The following PLB1 variants were observed in gnomAD, a reference collection of about 807,000 sequenced individuals.
PLB1 encodes phospholipase B1, membrane-associated.
In PLB1, 242 loss-of-function variants were observed where a neutral mutation model predicts 227.4. The observed-to-expected ratio is 1.06, with a 90% CI of 0.96 to 1.18. PLB1 has a LOEUF of 1.18. PLB1 is among the 50% of genes most tolerant of loss of function. The pLI, the probability that PLB1 is intolerant of heterozygous loss-of-function variation, is 0.00. For synonymous variants in PLB1, 757 were observed against 682.2 expected (o/e 1.11, Z -1.71); for missense variants, 1,858 against 1,816.3 (o/e 1.02, Z -0.42).
intron 44 of PLB1, among the ~76,000 whole-genome samples, chr2:28,614,554 A>AT (rs1685926247): frequency 6.6e-6 from 1 of 152,144 alleles, no homozygotes; most frequent in Non-Finnish European, 1.5e-5. Context: ...CAAGTCAATC[A>AT]TTCTAGTGCT....
At chr2:28,576,030 A>T (rs904060699) in intron 21 of PLB1, among the ~76,000 whole-genome samples, 2 of 152,194 alleles carry the variant, frequency 1.3e-5, no homozygotes, top group African/African-American at 4.8e-5. Flanking sequence ...GGAGGCATCC[A>T]AGAATGAAAC....
intron 9 of PLB1, among the ~76,000 whole-genome samples, chr2:28,535,925 A>G (rs1018080010): frequency 1.3e-5 from 2 of 151,994 alleles, no homozygotes; most frequent in Non-Finnish European, 2.9e-5. Flanking sequence ...GTCTTTAAAA[A>G]CAAAACAAAA....
intron 44 of PLB1, among the ~76,000 whole-genome samples, chr2:28,614,733 A>C (rs571588676): frequency 6.6e-6 from 1 of 152,276 alleles, no homozygotes; most frequent in Admixed American, 6.5e-5. Context: ...CCGCAGTTTC[A>C]GTTTCACACC....
intron 43 of PLB1, among the ~76,000 whole-genome samples, chr2:28,612,365 G>C (rs1222690299): frequency 1.3e-5 from 2 of 152,124 alleles, no homozygotes; most frequent in Admixed American, 6.5e-5. Context: ...CTGACCTCCA[G>C]TGTGAGGAAC....
intron 16 of PLB1, 51 bp downstream of exon 16, chr2:28,550,135 G>C (rs765590018): frequency 7.3e-7 from 1 of 1,363,952 alleles, no homozygotes; most frequent in African/African-American, 1.5e-5. Context: ...ACCAGGGGCT[G>C]TACTTCTTGC....
chr2:28,498,406 A>G lies in PLB1; in HGVS notation c.55+2237A>G, dbSNP rs1339200892. On this transcript the variant is annotated intron_variant, in intron 1 of 57. Transcript: ENST00000327757. ...TATAATCAAAATATTGTGTTCAGGCACATGCCACCATGCCTGGCTAATTTT... is the reference window on the plus strand; with the variant it reads ...TATAATCAAAATATTGTGTTCAGGCGCATGCCACCATGCCTGGCTAATTTT... 1.7e-3 allele frequency among the ~76,000 whole-genome samples: 250 copies of G among 147,566 alleles called. 3 individuals carry two copies. Among genetic ancestry groups the G allele is most frequent in the Non-Finnish European group, 2.2e-3 (147 of 65,584 alleles).
rs151069396 is a variant in PLB1, at chr2:28,601,949, C to T, written c.2658C>T (p.Asp886=). The change falls in exon 38 of 58, where the codon GAC becomes GAT. Residue 886 remains aspartate, a synonymous_variant. Transcript: ENST00000327757. Reference sequence around the variant, plus strand: ...TTCACCATCTCCGCAATGCCTTGGACGTCCTGCATAGAGAGGTGGGTGGGG... The same window carrying T: ...TTCACCATCTCCGCAATGCCTTGGATGTCCTGCATAGAGAGGTGGGTGGGG... ...NFVHHLRNAL[D]VLHREVPRVL... 131 of 1,611,060 alleles carry T rather than the reference C, an allele frequency of 8.1e-5. 1 individual carries two copies. Among genetic ancestry groups the T allele is most frequent in the South Asian group, 3.6e-4 (33 of 91,026 alleles).
At chr2:28,579,774 C>A in intron 23 of PLB1, 67 bp downstream of exon 23, 2 of 1,365,572 alleles carry the variant, frequency 1.5e-6, no homozygotes, top group East Asian at 2.3e-5. Context: ...CGGTCACTTG[C>A]TCTGCCCGGG....
intron 54 of PLB1, among the ~76,000 whole-genome samples, chr2:28,631,482 A>G (rs1320341338): frequency 1.4e-4 from 22 of 152,120 alleles, no homozygotes; most frequent in Admixed American, 1.4e-3. Flanking sequence ...ATCTTGGCTC[A>G]TTTTTCCAGA....
chr2:28,629,088 CTGCAGCTCCCAAGGGCTTTCGTCAACG>C lies in PLB1; in HGVS notation c.3727-3_3750del. The C allele has an allele frequency of 6.2e-7, 1 of 1,612,970 alleles. No individual in the cohort carries two copies. Among genetic ancestry groups the C allele is most frequent in the South Asian group, 1.1e-5 (1 of 90,874 alleles). On this transcript the variant is annotated splice_acceptor_variant and splice_polypyrimidine_tract_variant and coding_sequence_variant and intron_variant, in exon 53 of 58. Transcript: ENST00000327757. LOFTEE classifies it high-confidence loss of function. Reference sequence around the variant, plus strand: ...CCCTAACGAAACCACCCTCCACTCCCTGCAGCTCCCAAGGGCTTTCGTCAACGTGGTGGAGGTCATGGAGCTGGCTAG... The same window carrying C: ...CCCTAACGAAACCACCCTCCACTCCCTGGTGGAGGTCATGGAGCTGGCTAG...
rs758311450 is a variant in PLB1, at chr2:28,620,368, G to A, written c.3383+36G>A. ...TCTTGATGCATGCTCTATTGATGAT[G>A]CTCTCTCAGAGAGGTGTGAGTAGTG... On this transcript the variant is annotated intron_variant, in intron 47 of 57. Coordinates refer to ENST00000327757, the MANE Select transcript of PLB1 (RefSeq NM_153021.5). The A allele has an allele frequency of 1.7e-5, 26 of 1,547,058 alleles. 1 individual carries two copies. The highest frequency in any genetic ancestry group is 1.7e-4 in the Middle Eastern group (1 of 5,876).
At chr2:28,508,198 C>T (rs553013290) in intron 1 of PLB1, among the ~76,000 whole-genome samples, 11 of 152,280 alleles carry the variant, frequency 7.2e-5, no homozygotes, top group Admixed American at 1.3e-4. Flanking sequence ...CTACACATGG[C>T]TCTGTTATAC....
intron 14 of PLB1, among the ~76,000 whole-genome samples, chr2:28,543,588 G>A (rs1672808292): frequency 6.6e-6 from 1 of 152,236 alleles, no homozygotes; most frequent in African/African-American, 2.4e-5. Context: ...TGGGGAATGT[G>A]CTCCCCTCAC....
At chr2:28,555,279 T>TTA (rs1301792118) in intron 17 of PLB1, among the ~76,000 whole-genome samples, 1 of 151,818 alleles carries the variant, frequency 6.6e-6, no homozygotes, top group Non-Finnish European at 1.5e-5. Flanking sequence ...GTAGCTGGGA[T>TTA]TATAGGTGCC....
intron 19 of PLB1, among the ~76,000 whole-genome samples, chr2:28,565,587 A>G (rs1287629245): frequency 6.6e-6 from 1 of 152,134 alleles, no homozygotes; most frequent in East Asian, 1.9e-4. Context: ...AACTACATAA[A>G]TGTTTGGGCT....
chr2:28,573,168 C>T lies in PLB1; in HGVS notation c.1325-29C>T, dbSNP rs1408209470. ...TTTGAAGATTGCTTTGCAGTAGTCA[C>T]TAAGCGTGTCTTTTCCTTGTATTTG... On this transcript the variant is annotated intron_variant, in intron 20 of 57. Transcript: ENST00000327757. The T allele has an allele frequency of 3.2e-6, 5 of 1,560,126 alleles. No individual in the cohort carries two copies. The Admixed American group carries it at 6.7e-5, about 21-fold the overall frequency.
chr2:28,617,459 T>C (rs554729383), intron 44 of PLB1, among the ~76,000 whole-genome samples: 26 of 152,158 alleles, frequency 1.7e-4, no homozygotes, highest in Non-Finnish European at 2.9e-4. Flanking sequence ...AGCATAGATA[T>C]ATGGGGATAA....
intron 41 of PLB1, among the ~76,000 whole-genome samples, chr2:28,604,984 G>T (rs771268583): frequency 6.6e-6 from 1 of 152,186 alleles, no homozygotes; most frequent in African/African-American, 2.4e-5. Context: ...CTAGTGCCAG[G>T]CACTGTGCTT....
chr2:28,554,430 T>C (rs1205246375), intron 17 of PLB1, among the ~76,000 whole-genome samples: 15 of 149,034 alleles, frequency 1.0e-4, no homozygotes, highest in African/African-American at 3.5e-4. Flanking sequence ...TGGGCTCAAG[T>C]GATCCTCCTG....
Sources: allele counts gnomAD v4.1 joint callset (sites outside exome capture counted in the v4.1 genomes callset), GRCh38; gene constraint gnomAD v4.1.1; transcripts MANE v1.5; gene names NCBI Gene and HGNC (gene_info 2026-07-23, HGNC 2026-07-21).